The following SLC25A48 variants were observed in gnomAD, a reference collection of about 807,000 sequenced individuals.
SLC25A48 encodes solute carrier family 25 member 48.
In SLC25A48, 29 loss-of-function variants were observed where a neutral mutation model predicts 32.2. The observed-to-expected ratio is 0.90, with a 90% CI of 0.67 to 1.23. SLC25A48 has a LOEUF of 1.23. Among genes scored for constraint, SLC25A48 ranks in the 50% most tolerant of loss-of-function variants. The pLI is 0.00. For missense variants in SLC25A48, 399 were observed against 422.7 expected (o/e 0.94, Z 0.49); for synonymous variants, 164 against 172.3 (o/e 0.95, Z 0.38).
intron 7 of SLC25A48, chr5:135,882,996 A>G (rs1762586880): frequency 1.1e-5 from 11 of 975,938 alleles, no homozygotes; most frequent in Non-Finnish European, 1.3e-5. Flanking sequence ...GGGTTGTTTG[A>G]CCCCAAGATC....
chr5:135,598,135 T>G (rs965269580), intron 1 of SLC25A48, among the ~76,000 whole-genome samples: 1 of 152,176 alleles, frequency 6.6e-6, no homozygotes, highest in African/African-American at 2.4e-5. Flanking sequence ...CCCACTAGGA[T>G]GACTGCAAGT....
intron 1 of SLC25A48, among the ~76,000 whole-genome samples, chr5:135,838,601 G>C (rs1484783605): frequency 6.6e-6 from 1 of 152,218 alleles, no homozygotes; most frequent in Non-Finnish European, 1.5e-5. Context: ...AGGGACCTCT[G>C]CTCTGTGCAG....
At chr5:135,739,941 GTC>G (rs1755462299) in intron 3 of SLC25A48, among the ~76,000 whole-genome samples, 2 of 152,268 alleles carry the variant, frequency 1.3e-5, no homozygotes, top group South Asian at 4.2e-4. Context: ...ATAAACAGTT[GTC>G]TACTCACAAG....
intron 4 of SLC25A48, among the ~76,000 whole-genome samples, chr5:135,856,232 C>A (rs892099145): frequency 6.6e-6 from 1 of 152,178 alleles, no homozygotes; most frequent in Non-Finnish European, 1.5e-5. Flanking sequence ...GACCCATAGT[C>A]CTTTCCTGTG....
intron 3 of SLC25A48, among the ~76,000 whole-genome samples, chr5:135,712,147 C>T (rs1433025439): frequency 6.6e-6 from 1 of 152,216 alleles, no homozygotes; most frequent in Non-Finnish European, 1.5e-5. Flanking sequence ...CCGCCAGGCA[C>T]ACCCTACTGT....
intron 3 of SLC25A48, among the ~76,000 whole-genome samples, chr5:135,758,930 AT>A (rs1755993828): frequency 6.7e-6 from 1 of 149,218 alleles, no homozygotes; most frequent in Admixed American, 6.6e-5. Context: ...GTGTTAACAC[AT>A]TATGATATTA....
intron 3 of SLC25A48, among the ~76,000 whole-genome samples, chr5:135,769,156 C>T (rs530408936): frequency 2.7e-5 from 4 of 149,872 alleles, no homozygotes; most frequent in African/African-American, 9.8e-5. Context: ...AAGGGGTGTA[C>T]ACCCCCCTGT....
intron 1 of SLC25A48, among the ~76,000 whole-genome samples, chr5:135,836,966 C>CCCT (rs1561519513): frequency 5.8e-4 from 12 of 20,622 alleles, no homozygotes; most frequent in African/African-American, 1.1e-3. Flanking sequence ...TTATCCCCCC[C>CCCT]CCCACCCCCC....
intron 3 of SLC25A48, among the ~76,000 whole-genome samples, chr5:135,715,090 G>A (rs769817794): frequency 1.7e-4 from 26 of 152,166 alleles, no homozygotes; most frequent in Non-Finnish European, 1.5e-5. Context: ...AGGCCTGGAG[G>A]CCCCAAGAAG....
intron 3 of SLC25A48, among the ~76,000 whole-genome samples, chr5:135,642,712 A>G (rs1368145047): frequency 6.6e-6 from 1 of 152,176 alleles, no homozygotes; most frequent in Non-Finnish European, 1.5e-5. Context: ...TTTCAAAACA[A>G]CATGTGTGCA....
intron 3 of SLC25A48, among the ~76,000 whole-genome samples, chr5:135,798,908 T>C (rs553073035): frequency 6.6e-6 from 1 of 151,390 alleles, no homozygotes; most frequent in South Asian, 2.1e-4. Flanking sequence ...GATATTGCTG[T>C]CAATATCCTA....
At chr5:135,794,070 A>G (rs1290498375) in intron 3 of SLC25A48, among the ~76,000 whole-genome samples, 1 of 151,886 alleles carries the variant, frequency 6.6e-6, no homozygotes, top group African/African-American at 2.4e-5. Context: ...CCTCCCTTGT[A>G]ATATTGTTCC....
intron 3 of SLC25A48, among the ~76,000 whole-genome samples, chr5:135,710,579 C>G (rs142387218): frequency 1.4e-4 from 21 of 152,344 alleles, no homozygotes; most frequent in African/African-American, 4.3e-4. Flanking sequence ...GTTGCCTTAC[C>G]TCTCTGGAGC....
At chr5:135,725,120 C>T (rs1755059042) in intron 3 of SLC25A48, among the ~76,000 whole-genome samples, 1 of 152,250 alleles carries the variant, frequency 6.6e-6, no homozygotes, top group African/African-American at 2.4e-5. Context: ...GAGACTGCTA[C>T]AGGAACAGAG....
chr5:135,816,398 A>G (rs1199976785), intron 4 of SLC25A48, among the ~76,000 whole-genome samples: 1 of 152,216 alleles, frequency 6.6e-6, no homozygotes, highest in Non-Finnish European at 1.5e-5. Context: ...GTGCTTTTGT[A>G]CAACTGGCAA....
In SLC25A48 at chr5:135,753,646, G is replaced by A. The variant is rs189309451; in HGVS notation, c.-520-58877G>A. 4.4e-4 allele frequency among the ~76,000 whole-genome samples: 67 copies of A among 152,004 alleles called. No homozygotes were observed. In the East Asian group the frequency reaches 9.7e-3, roughly 22 times the overall value. ...AGGGTGCACACCCACAGTGATATTCGCAGTCATATCTCGAGGATATTATGC... is the reference window on the plus strand; with the variant it reads ...AGGGTGCACACCCACAGTGATATTCACAGTCATATCTCGAGGATATTATGC... On this transcript the variant is annotated intron_variant, in intron 3 of 10. Coordinates refer to the SLC25A48 transcript ENST00000646290.
intron 2 of SLC25A48, among the ~76,000 whole-genome samples, chr5:135,847,967 C>T (rs1000671238): frequency 2.6e-5 from 4 of 152,140 alleles, no homozygotes; most frequent in Admixed American, 6.5e-5. Context: ...GACCAGTATC[C>T]GTGCCTTAGA....
chr5:135,751,404 T>C (rs7378856), intron 3 of SLC25A48, among the ~76,000 whole-genome samples: 115,992 of 152,134 alleles, frequency 0.76, 44,805 homozygotes, highest in Middle Eastern at 0.87. Context: ...TGTGGTTCCT[T>C]AGGGACACAG....
intron 3 of SLC25A48, among the ~76,000 whole-genome samples, chr5:135,775,512 T>C (rs1231180256): frequency 6.6e-6 from 1 of 151,594 alleles, no homozygotes; most frequent in Non-Finnish European, 1.5e-5. Context: ...AGGAAGATGA[T>C]AAAATTACTC....
Sources: allele counts gnomAD v4.1 joint callset (sites outside exome capture counted in the v4.1 genomes callset), GRCh38; gene constraint gnomAD v4.1.1; transcripts MANE v1.5; gene names NCBI Gene and HGNC (gene_info 2026-07-23, HGNC 2026-07-21).